The following KCNMA1 variants were observed in gnomAD, a reference collection of about 807,000 sequenced individuals.
The protein encoded by KCNMA1 is Calcium-activated potassium channel subunit alpha-1.
A neutral mutation model predicts 140.0 loss-of-function variants in KCNMA1; 29 were observed. The ratio of observed to expected loss-of-function variants is 0.21; its 90% CI spans 0.15 to 0.28. The LOEUF (loss-of-function observed/expected upper bound fraction) is 0.28. KCNMA1 is among the 10% of genes least tolerant of loss of function. The probability of loss-of-function intolerance (pLI) is 1.00; values close to 1 mark genes in which losing one functional copy is unlikely to be tolerated. For missense variants in KCNMA1, 880 were observed against 1,602.2 expected (o/e 0.55, Z 7.70); for synonymous variants, 612 against 611.9 (o/e 1.00, Z 0.00).
At chr10:76,952,589 G>A (rs1442649841) in intron 21 of KCNMA1, among the ~76,000 whole-genome samples, 3 of 152,128 alleles carry the variant, frequency 2.0e-5, no homozygotes, top group African/African-American at 4.8e-5. Context: ...TGCACTCCTG[G>A]TCAGTTGGAC....
At chr10:77,173,898 G>A (rs1357425913) in intron 5 of KCNMA1, among the ~76,000 whole-genome samples, 1 of 152,086 alleles carries the variant, frequency 6.6e-6, no homozygotes, top group East Asian at 1.9e-4. Context: ...TAGCGGTTGA[G>A]TCAAGTTATC....
chr10:76,952,053 A>T (rs1449982093), intron 21 of KCNMA1: 2 of 1,552,100 alleles, frequency 1.3e-6, no homozygotes, highest in Non-Finnish European at 1.7e-6. Context: ...AAACTTTTTT[A>T]TGCTGGCAGG....
intron 3 of KCNMA1, among the ~76,000 whole-genome samples, chr10:77,194,430 T>C (rs1350480804): frequency 6.6e-6 from 1 of 152,196 alleles, no homozygotes; most frequent in Non-Finnish European, 1.5e-5. Flanking sequence ...ACTTATGCCT[T>C]ATACTCCCTT....
At chr10:77,240,071 AACAG>A (rs1247741611) in intron 3 of KCNMA1, among the ~76,000 whole-genome samples, 2 of 152,244 alleles carry the variant, frequency 1.3e-5, no homozygotes, top group Non-Finnish European at 2.9e-5. Context: ...ATCCTGGCAG[AACAG>A]ACAGATTTGG....
intron 2 of KCNMA1, among the ~76,000 whole-genome samples, chr10:77,303,937 T>G (rs2077088699): frequency 6.6e-6 from 1 of 152,224 alleles, no homozygotes; most frequent in Non-Finnish European, 1.5e-5. Context: ...CACATTAAAT[T>G]TGTTTATCAC....
At chr10:77,439,559 T>C (rs2097350751) in intron 1 of KCNMA1, among the ~76,000 whole-genome samples, 1 of 152,044 alleles carries the variant, frequency 6.6e-6, no homozygotes, top group African/African-American at 2.4e-5. Context: ...CAGGGAGAGA[T>C]GGGTATTTGG....
At chr10:77,472,625 T>C (rs1036844949) in intron 1 of KCNMA1, among the ~76,000 whole-genome samples, 3 of 152,260 alleles carry the variant, frequency 2.0e-5, no homozygotes, top group Non-Finnish European at 4.4e-5. Context: ...CCTACCATGA[T>C]AGCTCCTATA....
At chr10:76,916,287 G>T (rs1235959390) in intron 23 of KCNMA1, among the ~76,000 whole-genome samples, 2 of 152,180 alleles carry the variant, frequency 1.3e-5, no homozygotes, top group African/African-American at 4.8e-5. Context: ...TGATTTTGCA[G>T]TTTGGGCTTC....
rs572827902 is a variant in KCNMA1 at position 77,637,505 on chromosome 10, A to AGAGGAGGAGGAG, written c.126_137dup (p.Ser57_Ser60dup). 26 of 1,572,860 alleles carry AGAGGAGGAGGAG rather than the reference A, an allele frequency of 1.7e-5. No individual in the cohort carries two copies. Among genetic ancestry groups the AGAGGAGGAGGAG allele is most frequent in the East Asian group, 2.3e-5 (1 of 43,328 alleles). On this transcript the variant is annotated inframe_insertion, in exon 1 of 28. Coordinates refer to ENST00000286628, the MANE Select transcript of KCNMA1 (RefSeq NM_001161352.2). Reference sequence around the variant, plus strand: ...AGGAGGAGGAAGAAGAAGAAGAGGAAGAGGAGGAGGAGGAGGAGGAGGACG... The same window carrying AGAGGAGGAGGAG: ...AGGAGGAGGAAGAAGAAGAAGAGGAAGAGGAGGAGGAGGAGGAGGAGGAGGAGGAGGAGGACG...
At chr10:77,142,875 A>G (rs1353362303) in intron 5 of KCNMA1, among the ~76,000 whole-genome samples, 1 of 152,242 alleles carries the variant, frequency 6.6e-6, no homozygotes, top group Non-Finnish European at 1.5e-5. Flanking sequence ...TGACACAAGA[A>G]AAAATAGAAA....
intron 1 of KCNMA1, among the ~76,000 whole-genome samples, chr10:77,549,409 G>T (rs1399342826): frequency 6.6e-6 from 1 of 152,214 alleles, no homozygotes; most frequent in Non-Finnish European, 1.5e-5. Context: ...CACAGAAAAG[G>T]AAAGCATCTA....
chr10:76,949,352 A>G lies in KCNMA1; in HGVS notation c.2499T>C (p.Ala833=), dbSNP rs771436196. 5.6e-6 allele frequency: 9 copies of G among 1,613,828 alleles called. No homozygotes were observed. The East Asian group carries it at 2.0e-4, about 36-fold the overall frequency. ...CATGGCCACTCAGGACGGTCATGGC[A>G]GCTTCACTTCGAGTCTACAACAGGG... ...IEKVILTRSE[A]AMTVLSGHVV... The change falls in exon 22 of 28, where the codon GCT becomes GCC. Residue 833 remains alanine (A), a synonymous_variant. Coordinates refer to ENST00000286628, the MANE Select transcript of KCNMA1 (RefSeq NM_001161352.2).
At chr10:77,488,725 GTCCAAGTGCTCC>G (rs1415532877) in intron 1 of KCNMA1, among the ~76,000 whole-genome samples, 1 of 152,182 alleles carries the variant, frequency 6.6e-6, no homozygotes, top group Non-Finnish European at 1.5e-5. Context: ...AAGGTACCAT[GTCCAAGTGCTCC>G]TCAGCCAGGG....
At chr10:77,383,512 G>A (rs1230196179) in intron 2 of KCNMA1, among the ~76,000 whole-genome samples, 2 of 151,390 alleles carry the variant, frequency 1.3e-5, no homozygotes, top group Non-Finnish European at 2.9e-5. Flanking sequence ...GTGGTATTAA[G>A]TACATTCACA....
rs928539159 is a variant in KCNMA1 at position 77,366,311 on chromosome 10, G to C, written c.540+37551C>G. On this transcript the variant is annotated intron_variant, in intron 2 of 27. Coordinates refer to ENST00000286628, the MANE Select transcript of KCNMA1 (RefSeq NM_001161352.2). ...AGCCCCTGGAGTAGTTGAGATTACA[G>C]GTGCCTGCCACCATGCCCAGCTAAT... 2.6e-5 allele frequency among the ~76,000 whole-genome samples: 4 copies of C among 152,216 alleles called. No homozygotes were observed. The East Asian group carries it at 7.7e-4, about 29-fold the overall frequency.
chr10:77,445,313 A>G (rs1378206918), intron 1 of KCNMA1, among the ~76,000 whole-genome samples: 1 of 150,004 alleles, frequency 6.7e-6, no homozygotes, highest in African/African-American at 2.5e-5. Flanking sequence ...TCCTCCATCC[A>G]CCTCTGCATC....
intron 5 of KCNMA1, among the ~76,000 whole-genome samples, chr10:77,130,575 A>G (rs1041741843): frequency 2.6e-5 from 4 of 152,312 alleles, no homozygotes; most frequent in Non-Finnish European, 5.9e-5. Flanking sequence ...CAATGAATTA[A>G]AATGATAATC....
intron 1 of KCNMA1, among the ~76,000 whole-genome samples, chr10:77,571,423 C>T (rs1603637179): frequency 6.6e-6 from 1 of 152,172 alleles, no homozygotes; most frequent in African/African-American, 2.4e-5. Flanking sequence ...AATTTTGCAG[C>T]GTGGAGTCTC....
At chr10:77,627,206 G>GA (rs1453321583) in intron 1 of KCNMA1, among the ~76,000 whole-genome samples, 7 of 152,262 alleles carry the variant, frequency 4.6e-5, no homozygotes, top group African/African-American at 1.4e-4. Context: ...CTCCCTAGGT[G>GA]AAAAAGAGTC....
Sources: gnomAD v4.1 joint callset for allele counts (sites outside exome capture counted in the v4.1 genomes callset) on GRCh38, gnomAD v4.1.1 for gene constraint, MANE v1.5 for transcripts, NCBI Gene and HGNC (gene_info 2026-07-23, HGNC 2026-07-21) for gene names.